SMCO2: variants seen among roughly 807,000 people sequenced by gnomAD.
SMCO2 encodes single-pass membrane and coiled-coil domain-containing protein 2.
In SMCO2, 25 loss-of-function variants were observed where a neutral mutation model predicts 29.5. The ratio of observed to expected loss-of-function variants is 0.85; its 90% CI spans 0.62 to 1.18. The LOEUF is 1.18. SMCO2 is among the 50% of genes most tolerant of loss of function. The pLI, the probability that SMCO2 is intolerant of heterozygous loss-of-function variation, is 0.00. For missense variants in SMCO2, 348 were observed against 344.5 expected, an observed-to-expected ratio of 1.01 and a Z score of -0.08; for synonymous variants, 117 against 123.3, an observed-to-expected ratio of 0.95 and a Z score of 0.34.
At position 27,475,751 on chromosome 12, in the gene SMCO2, G is replaced by T; in HGVS notation, c.362+838G>T. ...GAAGAGGTAATTGTAGGGTGTTGGG[G>T]TTGGTCATAAAATAGCAGAAAGTTT... is the stretch of plus-strand genomic sequence containing the variant. On this transcript the variant is annotated intron_variant, in intron 4 of 7. Coordinates refer to ENST00000298876, the Ensembl canonical transcript of SMCO2. The T allele has an allele frequency of 6.8e-7, 1 of 1,480,898 alleles. No homozygotes were observed. Among genetic ancestry groups the T allele is most frequent in the Non-Finnish European group, 8.9e-7 (1 of 1,119,136 alleles). 91.7% of individuals were successfully genotyped at this position (1,480,898 alleles called of 1,614,324 possible).
At chr12:27,468,144 C>T (rs1949512714) in intron 1 of SMCO2, among the ~76,000 whole-genome samples, 1 of 152,084 alleles carries the variant, frequency 6.6e-6, no homozygotes, top group African/African-American at 2.4e-5. Flanking sequence ...AGATAAGGCC[C>T]AGCTGTGAAG....
intron 6 of SMCO2, among the ~76,000 whole-genome samples, chr12:27,494,999 C>T (rs1408610654): frequency 1.3e-5 from 2 of 152,080 alleles, no homozygotes; most frequent in Non-Finnish European, 2.9e-5. Flanking sequence ...TGAGACCTCT[C>T]CTAATTTCCA....
At chr12:27,496,912 C>A (rs1246300835) in intron 7 of SMCO2, 1 of 151,370 alleles carries the variant, frequency 6.6e-6, no homozygotes, top group East Asian at 1.9e-4. Flanking sequence ...GGGGACTTGA[C>A]GTATACAAGA....
chr12:27,500,901 C>T (rs573515436), intron 7 of SMCO2, among the ~76,000 whole-genome samples: 1 of 150,744 alleles, frequency 6.6e-6, no homozygotes, highest in Non-Finnish European at 1.5e-5. Context: ...CCATGGCTAG[C>T]TTTAACTATG....
the SMCO2 span, among the ~76,000 whole-genome samples, chr12:27,451,495 G>A: frequency 6.6e-6 from 1 of 151,800 alleles, no homozygotes; most frequent in Admixed American, 6.6e-5. Flanking sequence ...TAAAGACACT[G>A]TGCTCAATAT....
At chr12:27,491,858 C>G (rs1565681835) in intron 5 of SMCO2, among the ~76,000 whole-genome samples, 1 of 151,932 alleles carries the variant, frequency 6.6e-6, no homozygotes, top group Non-Finnish European at 1.5e-5. Context: ...GGCACACCAC[C>G]ACAGCTGGCT....
chr12:27,462,531 T>C (rs1394614482), upstream of SMCO2, among the ~76,000 whole-genome samples: 2 of 152,238 alleles, frequency 1.3e-5, no homozygotes, highest in African/African-American at 4.8e-5. Flanking sequence ...TTTTAATGCC[T>C]ACTCTGTTCC....
At chr12:27,484,550 T>C (rs951469522) in intron 4 of SMCO2, among the ~76,000 whole-genome samples, 1 of 152,202 alleles carries the variant, frequency 6.6e-6, no homozygotes, top group Admixed American at 6.5e-5. Context: ...TGTTGAAATC[T>C]GGTTTGCGTT....
the SMCO2 span, among the ~76,000 whole-genome samples, chr12:27,457,695 C>T: frequency 6.6e-6 from 1 of 152,248 alleles, no homozygotes; most frequent in Non-Finnish European, 1.5e-5. Flanking sequence ...ACATCAGTGG[C>T]ACTTTCATTG....
chr12:27,483,931 G>GT (rs1288472387), intron 4 of SMCO2, among the ~76,000 whole-genome samples: 2 of 151,828 alleles, frequency 1.3e-5, no homozygotes, highest in Non-Finnish European at 2.9e-5. Context: ...GTTTTGTTTT[G>GT]TTTTTTACTT....
chr12:27,457,150 C>T, the SMCO2 span, among the ~76,000 whole-genome samples: 8 of 152,178 alleles, frequency 5.3e-5, no homozygotes, highest in Middle Eastern at 3.4e-3. Context: ...CGATCAGTTT[C>T]TCGTCCTCTT....
intron 4 of SMCO2, among the ~76,000 whole-genome samples, chr12:27,477,420 C>A (rs542877536): frequency 1.3e-5 from 2 of 151,812 alleles, no homozygotes; most frequent in Admixed American, 1.3e-4. Flanking sequence ...TTGGAGAAGA[C>A]TTTTTTGATA....
intron 7 of SMCO2, among the ~76,000 whole-genome samples, chr12:27,499,863 C>T (rs1175160565): frequency 6.6e-6 from 1 of 150,462 alleles, no homozygotes; most frequent in East Asian, 1.9e-4. Flanking sequence ...TCGATTTTTG[C>T]TGGTTTTAGC....
the SMCO2 span, among the ~76,000 whole-genome samples, chr12:27,449,996 G>T: frequency 6.6e-6 from 1 of 152,182 alleles, no homozygotes; most frequent in East Asian, 1.9e-4. Context: ...TCATCGGCCA[G>T]TTTTAGCTCA....
chr12:27,445,753 G>A, the SMCO2 span, among the ~76,000 whole-genome samples: 1 of 152,190 alleles, frequency 6.6e-6, no homozygotes, highest in Admixed American at 6.5e-5. Flanking sequence ...ATACCACAGA[G>A]TGGGTGGCTT....
the SMCO2 span, among the ~76,000 whole-genome samples, chr12:27,459,907 T>C: frequency 6.6e-6 from 1 of 151,990 alleles, no homozygotes; most frequent in South Asian, 2.1e-4. Flanking sequence ...GGAAAATGTG[T>C]TTTTTTTCTG....
intron 1 of SMCO2, among the ~76,000 whole-genome samples, chr12:27,468,160 A>T (rs145222211): frequency 3.3e-5 from 5 of 152,062 alleles, no homozygotes; most frequent in Admixed American, 2.6e-4. Flanking sequence ...TGAAGTGTTG[A>T]TGCTGGATTA....
intron 5 of SMCO2, among the ~76,000 whole-genome samples, chr12:27,491,083 G>A (rs1949731319): frequency 6.6e-6 from 1 of 151,878 alleles, no homozygotes. Context: ...TACAGGAATA[G>A]CAAATAAAAT....
the SMCO2 span, among the ~76,000 whole-genome samples, chr12:27,461,163 C>T: frequency 2.0e-5 from 3 of 152,114 alleles, no homozygotes; most frequent in Admixed American, 2.0e-4. Context: ...CTTCTAATAC[C>T]TAAGACAATG....
Sources: allele counts gnomAD v4.1 joint callset (sites outside exome capture counted in the v4.1 genomes callset), GRCh38; gene constraint gnomAD v4.1.1; transcripts MANE v1.5; gene names NCBI Gene and HGNC (gene_info 2026-07-23, HGNC 2026-07-21).